Variants in EPB41L2 observed in about 807,000 individuals in gnomAD.
EPB41L2 encodes erythrocyte membrane protein band 4.1 like 2, also known as band 4.1-like protein 2.
Under a neutral mutation model 113.0 loss-of-function variants are expected in EPB41L2, and 43 were observed. That is an observed-to-expected ratio of 0.38 (90% CI 0.30 to 0.49). EPB41L2 has a LOEUF of 0.49. Among genes scored for constraint, EPB41L2 ranks in the 20% least tolerant of loss-of-function variants. The pLI is 0.95. For missense variants in EPB41L2, 1,147 were observed against 1,223.4 expected (o/e 0.94, Z 0.93); for synonymous variants, 442 against 436.7 (o/e 1.01, Z -0.15).
chr6:130,851,096 C>G (rs778072659), intron 19 of EPB41L2, among the ~76,000 whole-genome samples: 1 of 152,100 alleles, frequency 6.6e-6, no homozygotes, highest in African/African-American at 2.4e-5. Flanking sequence ...ACTAGGCAAA[C>G]AGAATAAAAT....
chr6:130,979,207 C>T (rs145784834), intron 1 of EPB41L2, among the ~76,000 whole-genome samples: 295 of 152,180 alleles, frequency 1.9e-3, no homozygotes, highest in African/African-American at 6.5e-3. Flanking sequence ...ACTGACTGGC[C>T]GGGTGTGGTG....
chr6:131,004,856 T>TC (rs1785123224), intron 1 of EPB41L2, among the ~76,000 whole-genome samples: 1 of 152,130 alleles, frequency 6.6e-6, no homozygotes, highest in Admixed American at 6.6e-5. Flanking sequence ...CCCTCCTGCT[T>TC]CCCACTGCCA....
At chr6:131,005,436 T>C (rs1170854976) in intron 1 of EPB41L2, among the ~76,000 whole-genome samples, 1 of 152,176 alleles carries the variant, frequency 6.6e-6, no homozygotes, top group Non-Finnish European at 1.5e-5. Context: ...GCTATCTGTG[T>C]GGAGCCAGAA....
intron 4 of EPB41L2, among the ~76,000 whole-genome samples, chr6:130,917,139 C>A (rs879811074): frequency 4.6e-5 from 7 of 152,196 alleles, no homozygotes; most frequent in African/African-American, 1.7e-4. Flanking sequence ...TATGCAACCA[C>A]AGTCATCAAC....
In EPB41L2 at chr6:130,873,961, G is replaced by A. The variant is rs573139831; in HGVS notation, c.2044-3835C>T. Among the ~76,000 whole-genome samples the A allele has an allele frequency of 1.1e-4, 16 of 152,254 alleles. 1 individual carries two copies. Among genetic ancestry groups the A allele is most frequent in the African/African-American group, 3.9e-4 (16 of 41,554 alleles). On this transcript the variant is annotated intron_variant, in intron 14 of 19. Coordinates refer to ENST00000337057, the MANE Select transcript of EPB41L2 (RefSeq NM_001431.4). ...ATCTCTATGATTACATCGTCCCTTG[G>A]GGAAGTGGGGGTGGGTGGGATGCCC...
At chr6:130,892,306 C>A (rs78469772) in intron 10 of EPB41L2, among the ~76,000 whole-genome samples, 1 of 119,814 alleles carries the variant, frequency 8.3e-6, no homozygotes, top group African/African-American at 2.6e-5. Flanking sequence ...TTGCCTAGGG[C>A]GAGAAATAGA....
intron 1 of EPB41L2, among the ~76,000 whole-genome samples, chr6:131,012,243 T>C (rs1787192536): frequency 1.3e-5 from 2 of 151,356 alleles, no homozygotes; most frequent in African/African-American, 2.4e-5. Flanking sequence ...CTGAGTTGTT[T>C]TGTTATGAAA....
chr6:130,958,468 C>CAAAAAAAAAAAAAAAAAAAAAAAAA (rs200548809), intron 1 of EPB41L2, among the ~76,000 whole-genome samples: 1 of 113,880 alleles, frequency 8.8e-6, no homozygotes, highest in African/African-American at 3.1e-5. Flanking sequence ...ACAACAACAA[C>CAAAAAAAAAAAAAAAAAAAAAAAAA]AAAAAAAAAA....
In EPB41L2 at chr6:130,870,039, C is replaced by T; in HGVS notation, c.2131G>A (p.Gly711Ser). The T allele has an allele frequency of 6.2e-7, 1 of 1,613,936 alleles. No homozygotes were observed. Among genetic ancestry groups the T allele is most frequent in the Middle Eastern group, 1.6e-4 (1 of 6,062 alleles). ...CCACTCCCAGGTGATATCTCTTTAC[C>T]ATTCATTTCTTCTGTGATTACTCTT... is the stretch of plus-strand genomic sequence containing the variant. Reference protein sequence around the residue: ...DERVITEEMNGKEISPGSGPG... With the variant: ...DERVITEEMNSKEISPGSGPG... Residue 711 changes from glycine (G) to serine (S), a missense_variant, in exon 15 of 20, where the codon GGT becomes AGT. By Grantham distance (56) the Gly-to-Ser change is moderately conservative. Coordinates refer to ENST00000337057, the MANE Select transcript of EPB41L2 (RefSeq NM_001431.4).
At chr6:131,059,606 T>C (rs1410358824) in intron 1 of EPB41L2, among the ~76,000 whole-genome samples, 1 of 152,220 alleles carries the variant, frequency 6.6e-6, no homozygotes, top group Non-Finnish European at 1.5e-5. Flanking sequence ...CTAGAATTGG[T>C]GACAGAATCG....
chr6:130,929,886 C>CACACAA, intron 3 of EPB41L2, among the ~76,000 whole-genome samples: 1 of 148,356 alleles, frequency 6.7e-6, no homozygotes, highest in South Asian at 2.2e-4. Context: ...CACACACACA[C>CACACAA]ACACACACAC....
intron 8 of EPB41L2, among the ~76,000 whole-genome samples, chr6:130,899,236 G>T (rs548169651): frequency 6.6e-6 from 1 of 151,682 alleles, no homozygotes; most frequent in Admixed American, 6.5e-5. Context: ...AGGCTGACAA[G>T]GTGTGTCATA....
chr6:130,870,458 A>G, intron 14 of EPB41L2: 1 of 1,425,742 alleles, frequency 7.0e-7, no homozygotes, highest in Non-Finnish European at 9.7e-7. Flanking sequence ...AACATCTGAC[A>G]CTGCAAAGAC....
intron 1 of EPB41L2, among the ~76,000 whole-genome samples, chr6:130,970,664 C>G (rs1487085833): frequency 6.6e-6 from 1 of 152,050 alleles, no homozygotes; most frequent in East Asian, 1.9e-4. Context: ...TGCTTTGAGT[C>G]TCCATCCTGC....
chr6:131,044,411 C>T (rs1245171654), intron 1 of EPB41L2, among the ~76,000 whole-genome samples: 2 of 152,056 alleles, frequency 1.3e-5, no homozygotes, highest in Admixed American at 6.6e-5. Flanking sequence ...ATACAAAATT[C>T]TTAAAACTTT....
chr6:130,880,077 C>T (rs1049953495), intron 13 of EPB41L2, 67 bp downstream of exon 13: 36 of 1,213,292 alleles, frequency 3.0e-5, no homozygotes, highest in Middle Eastern at 3.8e-4. Context: ...CCAGCCTAGG[C>T]GTGACCTCCC....
chr6:130,857,059 A>C (rs1780462555), intron 19 of EPB41L2, among the ~76,000 whole-genome samples: 1 of 152,202 alleles, frequency 6.6e-6, no homozygotes. Context: ...GATTAAGATA[A>C]ATTCTTATAA....
At chr6:131,014,517 A>G (rs1280179379) in intron 1 of EPB41L2, among the ~76,000 whole-genome samples, 2 of 152,220 alleles carry the variant, frequency 1.3e-5, no homozygotes, top group Non-Finnish European at 2.9e-5. Flanking sequence ...GTTGAATGCC[A>G]AAATTCAATC....
intron 16 of EPB41L2, 62 bp from the exon 17 acceptor site, chr6:130,865,696 G>C (rs536346064): frequency 8.5e-6 from 13 of 1,527,466 alleles, no homozygotes; most frequent in Middle Eastern, 1.7e-4. Context: ...TGTCAGAGAA[G>C]ATCCCCGCCC....
Sources: allele counts gnomAD v4.1 joint callset (sites outside exome capture counted in the v4.1 genomes callset), GRCh38; gene constraint gnomAD v4.1.1; transcripts MANE v1.5; gene names NCBI Gene and HGNC (gene_info 2026-07-23, HGNC 2026-07-21).